GPD2: variants seen among roughly 807,000 people sequenced by gnomAD.
The protein encoded by GPD2 is glycerol-3-phosphate dehydrogenase 2.
In GPD2, 54 loss-of-function variants were observed where a neutral mutation model predicts 82.4. The observed-to-expected ratio is 0.66, with a 90% CI of 0.53 to 0.82. The LOEUF is 0.82. GPD2 is among the 40% of genes least tolerant of loss of function. GPD2 has a pLI of 0.00. For synonymous variants in GPD2, 288 were observed against 306.1 expected (o/e 0.94, Z 0.62); for missense variants, 748 against 896.2 (o/e 0.83, Z 2.11).
chr2:156,408,590 T>C, the GPD2 span, among the ~76,000 whole-genome samples: 1 of 150,914 alleles, frequency 6.6e-6, no homozygotes, highest in African/African-American at 2.4e-5. Context: ...GTAAAAAAAC[T>C]AGCCAGGCAT....
At chr2:156,527,944 C>A (rs759091016) in intron 6 of GPD2, among the ~76,000 whole-genome samples, 1 of 152,078 alleles carries the variant, frequency 6.6e-6, no homozygotes. Context: ...AGCTCACAGG[C>A]AGTTCTCTCT....
intron 1 of GPD2, among the ~76,000 whole-genome samples, chr2:156,469,136 G>A (rs766722746): frequency 3.9e-5 from 6 of 152,194 alleles, no homozygotes; most frequent in South Asian, 4.1e-4. Flanking sequence ...AGTTTTACCC[G>A]TGTTGTTGCA....
intron 3 of GPD2, among the ~76,000 whole-genome samples, chr2:156,505,042 C>T (rs969842669): frequency 3.9e-5 from 6 of 151,992 alleles, no homozygotes; most frequent in Non-Finnish European, 8.8e-5. Context: ...TTAAAATATA[C>T]TTCTGTTCTA....
chr2:156,445,959 G>T (rs145686454), intron 1 of GPD2, among the ~76,000 whole-genome samples: 29 of 152,244 alleles, frequency 1.9e-4, no homozygotes, highest in Admixed American at 9.8e-4. Context: ...TTTGTTGGTG[G>T]ATCACTTTCC....
At chr2:156,520,187 A>G (rs1211006329) in intron 6 of GPD2, among the ~76,000 whole-genome samples, 4 of 152,132 alleles carry the variant, frequency 2.6e-5, no homozygotes, top group Non-Finnish European at 5.9e-5. Flanking sequence ...GGGTTTTTAT[A>G]GGTACAGGAT....
Position 156,449,856 on chromosome 2 carries a change from C to CAAAAAAAAAAAAAAAAAAAA in GPD2, c.-9+13355_-9+13356insAAAAAAAAAAAAAAAAAAAA, listed in dbSNP as rs70987037. Among the ~76,000 whole-genome samples, 5 of 83,994 alleles carry CAAAAAAAAAAAAAAAAAAAA rather than the reference C, an allele frequency of 6.0e-5. 1 individual carries two copies. Among genetic ancestry groups the CAAAAAAAAAAAAAAAAAAAA allele is most frequent in the Non-Finnish European group, 9.1e-5 (4 of 43,824 alleles). 55.1% of individuals were successfully genotyped at this position (83,994 alleles called of 152,430 possible). ...CAAAACTCCATCTCTACTAAATATA[C>CAAAAAAAAAAAAAAAAAAAA]AAAAAAAAAAAAGCCGGGCATGGTG... On this transcript the variant is annotated intron_variant, in intron 1 of 16. Coordinates refer to ENST00000438166, the MANE Select transcript of GPD2 (RefSeq NM_000408.5).
At position 156,566,210 on chromosome 2, in the gene GPD2, T is replaced by C. The variant is rs572469087; in HGVS notation, c.1166-2615T>C. Among the ~76,000 whole-genome samples, 10 of 152,278 alleles carry C rather than the reference T, an allele frequency of 6.6e-5. No individual in the cohort carries two copies. In the South Asian group the frequency reaches 1.2e-3, roughly 19 times the overall value. On this transcript the variant is annotated intron_variant, in intron 9 of 16. Coordinates refer to ENST00000438166, the MANE Select transcript of GPD2 (RefSeq NM_000408.5). ...TCCTTTTATCTTGATTTTTAGATTA[T>C]GGTTAAATATGCAGAACATAAAATT... is the stretch of plus-strand genomic sequence containing the variant.
chr2:156,432,369 T>A (rs1259732645), upstream of GPD2, among the ~76,000 whole-genome samples: 2 of 152,348 alleles, frequency 1.3e-5, no homozygotes, highest in East Asian at 1.9e-4. Context: ...ACCCACATAC[T>A]GAACATAGTA....
chr2:156,478,648 G>A lies in GPD2; in HGVS notation c.102+2441G>A, dbSNP rs184101437. Reference sequence around the variant, plus strand: ...CTGCCAATAAGAGCCATTCTAGCGGGGGGGAATTTTCCTGACTTCAATAGT... The same window carrying A: ...CTGCCAATAAGAGCCATTCTAGCGGAGGGGAATTTTCCTGACTTCAATAGT... On this transcript the variant is annotated intron_variant, in intron 2 of 16. Coordinates refer to ENST00000438166, the MANE Select transcript of GPD2 (RefSeq NM_000408.5). 3.3e-5 allele frequency among the ~76,000 whole-genome samples: 5 copies of A among 152,210 alleles called. No homozygotes were observed. In the East Asian group the frequency reaches 9.6e-4, roughly 29 times the overall value.
intron 15 of GPD2, 23 bp downstream of exon 15, chr2:156,579,187 A>G (rs774037948): frequency 8.1e-7 from 1 of 1,238,890 alleles, no homozygotes. Context: ...GGTTGATGTC[A>G]GCCTCTGATA....
intron 13 of GPD2, among the ~76,000 whole-genome samples, chr2:156,575,784 G>A (rs552197783): frequency 2.5e-4 from 38 of 152,204 alleles, no homozygotes; most frequent in African/African-American, 7.7e-4. Flanking sequence ...AGAAAGTCCC[G>A]TATGATATCT....
the GPD2 span, among the ~76,000 whole-genome samples, chr2:156,402,394 A>G: frequency 6.6e-6 from 1 of 152,250 alleles, no homozygotes; most frequent in African/African-American, 2.4e-5. Flanking sequence ...ATAAAGACAT[A>G]AAAGATATGA....
At chr2:156,465,146 C>T (rs763291071) in intron 1 of GPD2, among the ~76,000 whole-genome samples, 3 of 152,252 alleles carry the variant, frequency 2.0e-5, no homozygotes, top group Admixed American at 6.5e-5. Context: ...CCACCGTGCC[C>T]GGCCTGGACT....
intron 15 of GPD2, 88 bp from the exon 16 acceptor site, chr2:156,579,602 G>T: frequency 1.3e-6 from 1 of 748,022 alleles, no homozygotes. Flanking sequence ...AAAGTGCTGG[G>T]ATTACAGGCA....
intron 6 of GPD2, 56 bp from the exon 7 acceptor site, chr2:156,549,552 C>A: frequency 6.8e-7 from 1 of 1,461,902 alleles, no homozygotes; most frequent in Non-Finnish European, 9.6e-7. Flanking sequence ...TTTTGTACCA[C>A]CAGTCTGTGG....
chr2:156,580,362 A>G (rs967943338), intron 16 of GPD2, among the ~76,000 whole-genome samples: 6 of 152,206 alleles, frequency 3.9e-5, no homozygotes, highest in African/African-American at 1.4e-4. Flanking sequence ...TAATTTATTC[A>G]AGGCTCTGTT....
chr2:156,517,780 A>G lies in GPD2; in HGVS notation c.661+4284A>G, dbSNP rs114752409. Among the ~76,000 whole-genome samples, 1,003 of 152,246 alleles carry G rather than the reference A, an allele frequency of 6.6e-3. 13 individuals carry two copies. Among genetic ancestry groups the G allele is most frequent in the African/African-American group, 0.023 (959 of 41,550 alleles). ...TTTTTTTTTTCCTCTATTTGTTCCC[A>G]GAGTGGATCTTTGTGGCTATTCTAG... On this transcript the variant is annotated intron_variant, in intron 6 of 16. Coordinates refer to ENST00000438166, the MANE Select transcript of GPD2 (RefSeq NM_000408.5).
rs529939737 is a variant in GPD2 at position 156,458,802 on chromosome 2, C to T, written c.-8-17296C>T. On this transcript the variant is annotated intron_variant, in intron 1 of 16. Transcript: ENST00000438166. Reference sequence around the variant, plus strand: ...TCTCTTTCTCTTATATGCATGCACACGTATATTCCACATTTTTTTCTAATT... The same window carrying T: ...TCTCTTTCTCTTATATGCATGCACATGTATATTCCACATTTTTTTCTAATT... Among the ~76,000 whole-genome samples the T allele has an allele frequency of 7.2e-5, 11 of 152,004 alleles. No individual in the cohort carries two copies. In the South Asian group the frequency reaches 8.3e-4, roughly 11 times the overall value.
the GPD2 span, among the ~76,000 whole-genome samples, chr2:156,401,156 C>G: frequency 5.3e-5 from 8 of 152,268 alleles, no homozygotes; most frequent in South Asian, 2.1e-4. Context: ...TTGCATTGGC[C>G]GGGAATCGAA....
Sources: allele counts gnomAD v4.1 joint callset (sites outside exome capture counted in the v4.1 genomes callset), GRCh38; gene constraint gnomAD v4.1.1; transcripts MANE v1.5; gene names NCBI Gene and HGNC (gene_info 2026-07-23, HGNC 2026-07-21).